Variants in GSG1L observed in about 807,000 individuals in gnomAD.
GSG1L encodes germ cell-specific gene 1-like protein.
Under a neutral mutation model 42.1 loss-of-function variants are expected in GSG1L, and 24 were observed. That is an observed-to-expected ratio of 0.57 (90% CI 0.41 to 0.80). GSG1L has a LOEUF of 0.80. GSG1L is among the 30% of genes least tolerant of loss of function. The pLI, the probability that GSG1L is intolerant of heterozygous loss-of-function variation, is 0.00. For synonymous variants in GSG1L, 215 were observed against 203.5 expected (o/e 1.06, Z -0.48); for missense variants, 445 against 472.2 (o/e 0.94, Z 0.53).
chr16:27,832,388 C>T (rs1480933766), intron 4 of GSG1L, among the ~76,000 whole-genome samples: 1 of 152,212 alleles, frequency 6.6e-6, no homozygotes, highest in African/African-American at 2.4e-5. Flanking sequence ...CCCTCCTGAC[C>T]TCCCACAAAT....
intron 4 of GSG1L, among the ~76,000 whole-genome samples, chr16:27,839,557 G>A (rs716728): frequency 0.26 from 38,859 of 152,134 alleles, 5,274 homozygotes; most frequent in Admixed American, 0.36. Context: ...TTCCTGCAAG[G>A]TCAGGCAGAT....
chr16:27,820,983 A>G (rs1203156105), intron 5 of GSG1L, among the ~76,000 whole-genome samples: 1 of 152,050 alleles, frequency 6.6e-6, no homozygotes, highest in Non-Finnish European at 1.5e-5. Context: ...CCGTGCCTGA[A>G]ATAGCCTTCC....
intron 2 of GSG1L, among the ~76,000 whole-genome samples, chr16:27,904,849 C>G (rs187600608): frequency 2.4e-4 from 37 of 152,294 alleles, no homozygotes; most frequent in African/African-American, 7.9e-4. Flanking sequence ...AAGAAAAGCA[C>G]AGAAAGTCAT....
At chr16:27,830,524 T>C (rs544766004) in intron 4 of GSG1L, among the ~76,000 whole-genome samples, 2 of 152,280 alleles carry the variant, frequency 1.3e-5, no homozygotes, top group African/African-American at 4.8e-5. Flanking sequence ...ACAAAACCCA[T>C]TGATAGAGTT....
intron 5 of GSG1L, among the ~76,000 whole-genome samples, chr16:27,826,705 C>A (rs1016298694): frequency 6.6e-6 from 1 of 152,188 alleles, no homozygotes; most frequent in Non-Finnish European, 1.5e-5. Context: ...GGTCTTCATC[C>A]ACCAACACCC....
At chr16:27,902,161 A>G (rs776192410) in intron 2 of GSG1L, among the ~76,000 whole-genome samples, 2 of 152,196 alleles carry the variant, frequency 1.3e-5, no homozygotes, top group African/African-American at 4.8e-5. Context: ...CGGGAACCAC[A>G]TCTGGCTCTG....
At chr16:27,875,943 T>C (rs1481863400) in intron 3 of GSG1L, among the ~76,000 whole-genome samples, 1 of 152,176 alleles carries the variant, frequency 6.6e-6, no homozygotes, top group Non-Finnish European at 1.5e-5. Flanking sequence ...CCTGATTACA[T>C]GATCACCTGG....
At chr16:27,950,291 G>A (rs1038522380) in intron 2 of GSG1L, among the ~76,000 whole-genome samples, 4 of 152,162 alleles carry the variant, frequency 2.6e-5, no homozygotes, top group South Asian at 2.1e-4. Flanking sequence ...GCTGGTCACC[G>A]TTTGGGGTTA....
intron 3 of GSG1L, among the ~76,000 whole-genome samples, chr16:27,869,473 C>T (rs573960544): frequency 6.6e-6 from 1 of 150,690 alleles, no homozygotes; most frequent in Non-Finnish European, 1.5e-5. Context: ...CTCTGTCTCC[C>T]TCCATCTCTC....
chr16:28,051,741 C>T (rs748295581), intron 1 of GSG1L, among the ~76,000 whole-genome samples: 13 of 152,042 alleles, frequency 8.6e-5, no homozygotes, highest in Non-Finnish European at 1.6e-4. Flanking sequence ...GCATAGACAA[C>T]GAGGAAGAGC....
At chr16:27,856,456 A>G (rs2140995376) in intron 3 of GSG1L, among the ~76,000 whole-genome samples, 1 of 152,174 alleles carries the variant, frequency 6.6e-6, no homozygotes, top group South Asian at 2.1e-4. Context: ...TGGGACCACA[A>G]GGTGCTCACC....
intron 5 of GSG1L, among the ~76,000 whole-genome samples, chr16:27,821,034 T>C (rs1433683085): frequency 1.3e-5 from 2 of 152,142 alleles, no homozygotes; most frequent in Non-Finnish European, 2.9e-5. Context: ...TGCATGAGTA[T>C]TGAAAAACTC....
At chr16:27,835,122 G>C (rs552378026) in intron 4 of GSG1L, among the ~76,000 whole-genome samples, 1 of 152,010 alleles carries the variant, frequency 6.6e-6, no homozygotes, top group Non-Finnish European at 1.5e-5. Flanking sequence ...TCTAATTATA[G>C]TTATGAATTT....
intron 1 of GSG1L, among the ~76,000 whole-genome samples, chr16:28,044,715 T>C (rs205396): frequency 0.44 from 66,087 of 151,000 alleles, 15,700 homozygotes; most frequent in East Asian, 0.69. Flanking sequence ...CCTCCGCCTC[T>C]GAGGTTCAAG....
chr16:27,937,636 C>A (rs1229256673), intron 2 of GSG1L, among the ~76,000 whole-genome samples: 1 of 152,226 alleles, frequency 6.6e-6, no homozygotes, highest in East Asian at 1.9e-4. Flanking sequence ...GTAAGACAGA[C>A]CAGGGCGATG....
chr16:27,930,997 C>T (rs1441291286), intron 2 of GSG1L, among the ~76,000 whole-genome samples: 1 of 152,146 alleles, frequency 6.6e-6, no homozygotes, highest in African/African-American at 2.4e-5. Context: ...AGTGATTCTT[C>T]CGCCTCGGCC....
At chr16:27,979,818 G>T in intron 1 of GSG1L, among the ~76,000 whole-genome samples, 1 of 100,680 alleles carries the variant, frequency 9.9e-6, no homozygotes, top group Non-Finnish European at 2.1e-5. Flanking sequence ...AGAAAGAAAA[G>T]AAAGAAAGAG....
chr16:27,888,456 CTT>C (rs1376956200), intron 2 of GSG1L, among the ~76,000 whole-genome samples: 32 of 18,348 alleles, frequency 1.7e-3, no homozygotes, highest in Admixed American at 4.8e-3. Context: ...TTCTTTCTTT[CTT>C]TCTTTCTCTC....
chr16:27,949,533 T>C (rs922814881), intron 2 of GSG1L, among the ~76,000 whole-genome samples: 4 of 152,000 alleles, frequency 2.6e-5, no homozygotes, highest in African/African-American at 9.7e-5. Flanking sequence ...GGCGGGAGGA[T>C]TGCTTGGGCC....
Sources: gnomAD v4.1 joint callset for allele counts (sites outside exome capture counted in the v4.1 genomes callset) on GRCh38, gnomAD v4.1.1 for gene constraint, MANE v1.5 for transcripts, NCBI Gene and HGNC (gene_info 2026-07-23, HGNC 2026-07-21) for gene names.